The following IHO1 variants were observed in gnomAD, a reference collection of about 807,000 sequenced individuals.
IHO1 encodes the protein interactor of HORMAD1 1.
IHO1 carries 13 observed loss-of-function variants against 31.0 expected under a neutral mutation model. The ratio of observed to expected loss-of-function variants is 0.42; its 90% CI spans 0.27 to 0.67. IHO1 has a LOEUF of 0.67. Among genes scored for constraint, IHO1 ranks in the 30% least tolerant of loss-of-function variants. The pLI is 0.24. For missense variants in IHO1, 599 were observed against 687.5 expected (o/e 0.87, Z 1.44); for synonymous variants, 221 against 248.4 (o/e 0.89, Z 1.04).
At chr3:49,228,231 C>G in intron 2 of IHO1, 1 of 414,436 alleles carries the variant, frequency 2.4e-6, no homozygotes, top group East Asian at 7.5e-5. Flanking sequence ...GTTGTCGGGA[C>G]CCCAGAACTG....
At chr3:49,225,112 T>C (rs2046402851) in intron 2 of IHO1, among the ~76,000 whole-genome samples, 2 of 152,168 alleles carry the variant, frequency 1.3e-5, no homozygotes, top group Non-Finnish European at 2.9e-5. Context: ...GGTTATGGGG[T>C]TGTCCTGCGG....
intron 2 of IHO1, among the ~76,000 whole-genome samples, chr3:49,218,521 A>C (rs1044651068): frequency 1.3e-5 from 2 of 151,032 alleles, no homozygotes; most frequent in African/African-American, 4.9e-5. Flanking sequence ...AGCAGGGATT[A>C]CAAGCACATG....
chr3:49,240,285 G>C (rs2046615429), intron 3 of IHO1, among the ~76,000 whole-genome samples: 1 of 151,722 alleles, frequency 6.6e-6, no homozygotes, highest in Non-Finnish European at 1.5e-5. Context: ...ATGCAGTGGT[G>C]CAATCTTGGC....
intron 1 of IHO1, among the ~76,000 whole-genome samples, chr3:49,209,612 C>T (rs138073187): frequency 0.011 from 1,629 of 149,064 alleles, 12 homozygotes; most frequent in Middle Eastern, 0.024. Context: ...TTCCAGCCTG[C>T]GTGACAGAGT....
intron 7 of IHO1, 22 bp downstream of exon 7, chr3:49,255,515 T>C: frequency 6.7e-7 from 1 of 1,486,182 alleles, no homozygotes; most frequent in South Asian, 1.2e-5. Context: ...CCCCAACCTC[T>C]TTCTAAGTGT....
intron 7 of IHO1, among the ~76,000 whole-genome samples, chr3:49,255,852 G>A (rs971937888): frequency 5.9e-5 from 9 of 151,912 alleles, no homozygotes; most frequent in African/African-American, 2.2e-4. Context: ...GCGCCCGGCC[G>A]AGAAACCTTT....
chr3:49,217,646 A>T (rs993330214), intron 2 of IHO1, among the ~76,000 whole-genome samples: 26 of 117,970 alleles, frequency 2.2e-4, no homozygotes, highest in Non-Finnish European at 4.7e-4. Flanking sequence ...GTATAATAAA[A>T]AAAAAAAAAA....
chr3:49,212,197 T>C (rs2046228777), intron 2 of IHO1, among the ~76,000 whole-genome samples: 2 of 148,744 alleles, frequency 1.3e-5, no homozygotes, highest in Admixed American at 6.7e-5. Context: ...TTTTCCAGTT[T>C]CATTGATTTC....
rs536091383 is a variant in IHO1 at position 49,225,427 on chromosome 3, C to T, written c.57-11121C>T. On this transcript the variant is annotated intron_variant, in intron 2 of 7. Coordinates refer to ENST00000452691, the MANE Select transcript of IHO1 (RefSeq NM_001135197.2). ...GCAGTGAGCAGAGATTGCGCCATCG[C>T]ATCCCAGCCTGGGTGACAGAGTGAG... Among the ~76,000 whole-genome samples the T allele has an allele frequency of 9.2e-5, 14 of 151,882 alleles. No individual in the cohort carries two copies. The South Asian group carries it at 2.7e-3, about 29-fold the overall frequency.
intron 4 of IHO1, among the ~76,000 whole-genome samples, chr3:49,242,017 C>T (rs1036393469): frequency 6.6e-6 from 1 of 152,096 alleles, no homozygotes; most frequent in Non-Finnish European, 1.5e-5. Flanking sequence ...AATCTCGGCT[C>T]ACTGAAACAT....
At chr3:49,247,803 A>C (rs2107735353) in intron 6 of IHO1, among the ~76,000 whole-genome samples, 1 of 150,290 alleles carries the variant, frequency 6.7e-6, no homozygotes, top group Admixed American at 6.6e-5. Context: ...CACTAAAACT[A>C]AAACTAAATA....
intron 2 of IHO1, among the ~76,000 whole-genome samples, chr3:49,224,479 C>A (rs923350551): frequency 6.6e-6 from 1 of 152,238 alleles, no homozygotes; most frequent in Non-Finnish European, 1.5e-5. Flanking sequence ...AACTCCCTTT[C>A]TTTCTATATT....
intron 2 of IHO1, among the ~76,000 whole-genome samples, chr3:49,216,379 G>A (rs992848072): frequency 1.3e-5 from 2 of 152,174 alleles, no homozygotes; most frequent in Non-Finnish European, 2.9e-5. Context: ...TATTGCTTGA[G>A]GTCAGGAGTT....
At chr3:49,242,365 C>A (rs535353641) in intron 4 of IHO1, among the ~76,000 whole-genome samples, 8 of 151,932 alleles carry the variant, frequency 5.3e-5, no homozygotes, top group Admixed American at 3.9e-4. Flanking sequence ...TGGGCTCAAG[C>A]AGTCGTCCCA....
At chr3:49,212,164 A>AG in intron 2 of IHO1, among the ~76,000 whole-genome samples, 1 of 109,626 alleles carries the variant, frequency 9.1e-6, no homozygotes, top group Non-Finnish European at 2.0e-5. Flanking sequence ...ACTCCGTCTC[A>AG]AAAAAAAAAA....
At chr3:49,230,441 G>A (rs896762936) in intron 2 of IHO1, among the ~76,000 whole-genome samples, 1 of 152,204 alleles carries the variant, frequency 6.6e-6, no homozygotes, top group African/African-American at 2.4e-5. Flanking sequence ...AATTCCTGCA[G>A]TAAACAACCT....
chr3:49,230,289 A>T (rs910401448), intron 2 of IHO1, among the ~76,000 whole-genome samples: 1 of 152,252 alleles, frequency 6.6e-6, no homozygotes, highest in Admixed American at 6.5e-5. Flanking sequence ...TAATTCAGTT[A>T]CACGACCTAT....
At chr3:49,244,327 A>G (rs2046668789) in intron 4 of IHO1, 77 bp from the exon 5 acceptor site, 6 of 905,710 alleles carry the variant, frequency 6.6e-6, no homozygotes, top group Non-Finnish European at 1.1e-5. Context: ...GATCTGCCAT[A>G]TTTATGGAAT....
chr3:49,256,144 A>T lies in IHO1; in HGVS notation c.647A>T (p.Glu216Val), dbSNP rs1276034356. ...TGCCTCTCTCCCCAGAGACAAGGAG[A>T]GTTTATAGAAATGAAGTCCAACCTG... ...MKKRFEARQG[E>V]FIEMKSNLKH... is the part of the protein sequence containing the mutation. Residue 216 changes from glutamate (E) to valine (V), a missense_variant, in exon 8 of 8, where the codon GAG becomes GTG. Coordinates refer to ENST00000452691, the MANE Select transcript of IHO1 (RefSeq NM_001135197.2). This position sits in a 1 kb window ranked among gnomAD's most constrained non-coding sequence, Gnocchi z 4.6. 6.2e-7 allele frequency: 1 copy of T among 1,607,436 alleles called. No homozygotes were observed. Among genetic ancestry groups the T allele is most frequent in the Admixed American group, 1.7e-5 (1 of 58,904 alleles).
Sources: gnomAD v4.1 joint callset for allele counts (sites outside exome capture counted in the v4.1 genomes callset) on GRCh38, gnomAD v4.1.1 for gene constraint, Gnocchi (gnomAD v3.1) non-coding constraint, MANE v1.5 for transcripts, NCBI Gene and HGNC (gene_info 2026-07-23, HGNC 2026-07-21) for gene names.